The following HYDIN variants were observed in gnomAD, a reference collection of about 807,000 sequenced individuals.
HYDIN encodes the protein axonemal central pair apparatus protein HYDIN.
Under a neutral mutation model 403.9 loss-of-function variants are expected in HYDIN, and 132 were observed. The observed-to-expected ratio is 0.33, with a 90% confidence interval of 0.28 to 0.38. The LOEUF (loss-of-function observed/expected upper bound fraction) is 0.38. Ranked by LOEUF, HYDIN falls within the 10% of genes least tolerant of loss-of-function variation. The pLI, the probability that HYDIN is intolerant of heterozygous loss-of-function variation, is 1.00. For missense variants in HYDIN, 2,827 were observed against 5,009.5 expected, an observed-to-expected ratio of 0.56 and a Z score of 13.15; for synonymous variants, 1,202 against 1,891.7, an observed-to-expected ratio of 0.64 and a Z score of 9.46.
At chr16:71,093,446 G>T (rs1437248779) in intron 11 of HYDIN, 2 of 151,534 alleles carry the variant, frequency 1.3e-5, no homozygotes, top group Non-Finnish European at 2.9e-5. Flanking sequence ...AATGTAAAAG[G>T]TTATCTATCC....
chr16:71,217,790 G>A (rs1013763855), intron 1 of HYDIN, among the ~76,000 whole-genome samples: 1 of 152,148 alleles, frequency 6.6e-6, no homozygotes, highest in Non-Finnish European at 1.5e-5. Context: ...TTTCATCTGC[G>A]AACAGATCAC....
At chr16:71,117,558 T>C (rs563504546) in intron 9 of HYDIN, among the ~76,000 whole-genome samples, 20 of 152,300 alleles carry the variant, frequency 1.3e-4, no homozygotes, top group Admixed American at 2.0e-4. Context: ...GATGTGTGTG[T>C]TTTTTGTATG....
intron 13 of HYDIN, among the ~76,000 whole-genome samples, chr16:71,074,781 T>C (rs2082579007): frequency 6.6e-6 from 1 of 151,628 alleles, no homozygotes; most frequent in African/African-American, 2.4e-5. Flanking sequence ...CCATGCTTCT[T>C]TGTGAAAAGT....
intron 9 of HYDIN, among the ~76,000 whole-genome samples, chr16:71,117,283 A>G (rs2144473402): frequency 7.2e-6 from 1 of 138,182 alleles, no homozygotes; most frequent in East Asian, 2.1e-4. Context: ...GCAAAATGCA[A>G]TGTATCAGAA....
chr16:71,133,165 C>T (rs1181377870), intron 8 of HYDIN: 1 of 433,322 alleles, frequency 2.3e-6, no homozygotes, highest in East Asian at 7.0e-5. Flanking sequence ...CTCCCTTCAG[C>T]ACCCACAAGA....
chr16:70,931,725 C>T (rs1774378), intron 45 of HYDIN, among the ~76,000 whole-genome samples: 9 of 151,954 alleles, frequency 5.9e-5, no homozygotes, highest in African/African-American at 2.2e-4. Context: ...ATTAGAAAGG[C>T]AAAAACAGGC....
Position 71,185,034 on chromosome 16 carries a change from T to C in HYDIN, c.136-44A>G, listed in dbSNP as rs370053101. ...AGAACCAAAGATTCTTAAGTGGATG[T>C]ACTGAAAAAGTGTTTTCATAAGTAC... is the stretch of plus-strand genomic sequence containing the variant. On this transcript the variant is annotated intron_variant, in intron 2 of 85. Coordinates refer to ENST00000393567, the MANE Select transcript of HYDIN (RefSeq NM_001270974.2). 11 of 1,467,984 alleles carry C rather than the reference T, an allele frequency of 7.5e-6. No homozygotes were observed. The African/African-American group carries it at 1.1e-4, about 15-fold the overall frequency. The allele number at this position is 1,467,984 out of a possible 1,614,324, so 90.9% of individuals were successfully genotyped here.
chr16:70,808,069 G>T lies in HYDIN; in HGVS notation c.14884-7C>A. The T allele has an allele frequency of 6.3e-7, 1 of 1,594,706 alleles. No individual in the cohort carries two copies. The highest frequency in any genetic ancestry group is 1.1e-5 in the South Asian group (1 of 88,198). On this transcript the variant is annotated splice_region_variant and splice_polypyrimidine_tract_variant and intron_variant, in intron 85 of 85. Transcript: ENST00000393567. ...GGAAGTCTGTACAGTCGGTCTGAAA[G>T]GGGAACAAACAAACTCAGCTCACGT...
rs550215837 is a variant in HYDIN at position 70,918,090 on chromosome 16, A to G, written c.8004+121T>C. ...AGGATCCCCAACGAGTCAAGGGAAA[A>G]TAACCCAGCGAGCAGAACACCTCAT... On this transcript the variant is annotated intron_variant, in intron 47 of 85. Coordinates refer to ENST00000393567, the MANE Select transcript of HYDIN (RefSeq NM_001270974.2). 4 of 443,728 alleles carry G rather than the reference A, an allele frequency of 9.0e-6. 1 individual carries two copies. Among genetic ancestry groups the G allele is most frequent in the African/African-American group, 2.4e-5 (1 of 42,004 alleles). 27.5% of individuals were successfully genotyped at this position (443,728 alleles called of 1,614,324 possible). A position where few individuals can be genotyped will look rare whatever the true frequency, so the allele number is the denominator to read the frequency against.
At chr16:70,965,640 T>C (rs1034257495) in intron 36 of HYDIN, among the ~76,000 whole-genome samples, 15 of 152,246 alleles carry the variant, frequency 9.9e-5, no homozygotes, top group Non-Finnish European at 2.1e-4. Context: ...ACCTGATTTA[T>C]TGGTATCAAA....
In HYDIN at chr16:71,230,695, C is replaced by G. The variant is rs557692987; in HGVS notation, c.-157G>C. ...GCCGCCCGCACTCTCCATGCGCCGCCCGAGCTGTTGCCGTCCGTTGCCACG... is the reference window on the plus strand; with the variant it reads ...GCCGCCCGCACTCTCCATGCGCCGCGCGAGCTGTTGCCGTCCGTTGCCACG... On this transcript the variant is annotated 5_prime_UTR_variant, in exon 1 of 86. Coordinates refer to ENST00000393567, the MANE Select transcript of HYDIN (RefSeq NM_001270974.2). 1.3e-6 allele frequency: 2 copies of G among 1,536,066 alleles called. No individual in the cohort carries two copies. Among genetic ancestry groups the G allele is most frequent in the Admixed American group, 2.0e-5 (1 of 50,990 alleles).
chr16:70,907,981 A>G (rs1393531400), intron 49 of HYDIN, among the ~76,000 whole-genome samples: 1 of 152,176 alleles, frequency 6.6e-6, no homozygotes, highest in Non-Finnish European at 1.5e-5. Context: ...CTTAATAGTT[A>G]AATGAGCAAA....
At chr16:71,040,173 G>A (rs1227183701) in intron 18 of HYDIN, among the ~76,000 whole-genome samples, 2 of 152,126 alleles carry the variant, frequency 1.3e-5, no homozygotes, top group Non-Finnish European at 2.9e-5. Context: ...GATCTTGCTG[G>A]TGCCGATGCG....
intron 76 of HYDIN, among the ~76,000 whole-genome samples, chr16:70,839,687 G>C (rs12051027): frequency 1.1e-4 from 16 of 152,218 alleles, no homozygotes; most frequent in African/African-American, 3.9e-4. Context: ...ATTTGAATCA[G>C]AAAGCTTAGG....
chr16:71,062,821 C>T (rs1435411675), intron 16 of HYDIN: 6 of 154,360 alleles, frequency 3.9e-5, no homozygotes, highest in African/African-American at 1.4e-4. Flanking sequence ...ATCTGGCACA[C>T]TCATCCTGAA....
At chr16:71,225,646 C>G (rs2041002139) in intron 1 of HYDIN, among the ~76,000 whole-genome samples, 1 of 152,004 alleles carries the variant, frequency 6.6e-6, no homozygotes, top group Admixed American at 6.6e-5. Context: ...GTGAAATCTG[C>G]TAAAGTCTCT....
rs541669089 is a variant in HYDIN at position 71,197,702 on chromosome 16, C to T, written c.-23-10784G>A. 1.4e-3 allele frequency among the ~76,000 whole-genome samples: 212 copies of T among 152,262 alleles called. 1 individual carries two copies. The highest frequency in any genetic ancestry group is 2.3e-3 in the Non-Finnish European group (157 of 68,012). Reference sequence around the variant, plus strand: ...GCTCTCTCCCCATTAAAGGTAACCACTATCCTCACTTTTTGTAGAAATCAC... The same window carrying T: ...GCTCTCTCCCCATTAAAGGTAACCATTATCCTCACTTTTTGTAGAAATCAC... On this transcript the variant is annotated intron_variant, in intron 1 of 85. Transcript: ENST00000393567.
chr16:70,863,587 T>C (rs1386829540), intron 67 of HYDIN, among the ~76,000 whole-genome samples: 1 of 152,102 alleles, frequency 6.6e-6, no homozygotes, highest in Non-Finnish European at 1.5e-5. Context: ...TCAGAAACAA[T>C]GTCCCTGGCT....
chr16:70,945,443 A>T (rs1051323358), intron 41 of HYDIN, among the ~76,000 whole-genome samples: 12 of 152,222 alleles, frequency 7.9e-5, no homozygotes. Flanking sequence ...GATTGAAAGG[A>T]TACATGAACC....
Sources: allele counts gnomAD v4.1 joint callset (sites outside exome capture counted in the v4.1 genomes callset), GRCh38; gene constraint gnomAD v4.1.1; transcripts MANE v1.5; gene names NCBI Gene and HGNC (gene_info 2026-07-23, HGNC 2026-07-21).